The following C2CD5 variants were observed in gnomAD, a reference collection of about 807,000 sequenced individuals.
C2CD5 encodes C2 calcium dependent domain containing 5, also known as C2 domain-containing protein 5.
Under a neutral mutation model 130.3 loss-of-function variants are expected in C2CD5, and 109 were observed. The ratio of observed to expected loss-of-function variants is 0.84; its 90% CI spans 0.72 to 0.98. C2CD5 has a LOEUF of 0.98. C2CD5 is among the 50% of genes least tolerant of loss of function. The pLI, the probability that C2CD5 is intolerant of heterozygous loss-of-function variation, is 0.00. For synonymous variants in C2CD5, 454 were observed against 429.2 expected (o/e 1.06, Z -0.71); for missense variants, 996 against 1,261.8 (o/e 0.79, Z 3.19).
chr12:22,511,119 C>T (rs1023578111), intron 9 of C2CD5, among the ~76,000 whole-genome samples: 1 of 148,704 alleles, frequency 6.7e-6, no homozygotes, highest in African/African-American at 2.5e-5. Flanking sequence ...TTGACAACTA[C>T]TACTTGAATA....
At chr12:22,486,423 T>C (rs1175929898) in intron 12 of C2CD5, among the ~76,000 whole-genome samples, 2 of 152,148 alleles carry the variant, frequency 1.3e-5, no homozygotes, top group Admixed American at 6.6e-5. Flanking sequence ...AACCAGTATT[T>C]CTACATAAGG....
intron 10 of C2CD5, among the ~76,000 whole-genome samples, chr12:22,498,235 C>T (rs1414755771): frequency 6.6e-6 from 1 of 152,070 alleles, no homozygotes; most frequent in Non-Finnish European, 1.5e-5. Flanking sequence ...TATGCACACA[C>T]CAAAATAGTG....
intron 12 of C2CD5, among the ~76,000 whole-genome samples, chr12:22,489,111 A>C (rs1354628409): frequency 6.6e-6 from 1 of 151,742 alleles, no homozygotes; most frequent in East Asian, 1.9e-4. Context: ...CCTGACCTCA[A>C]GTGATCCACC....
chr12:22,467,346 T>C (rs1942253649), intron 22 of C2CD5, among the ~76,000 whole-genome samples: 1 of 151,956 alleles, frequency 6.6e-6, no homozygotes, highest in Non-Finnish European at 1.5e-5. Context: ...TTTTTGTATT[T>C]TTTGTAGAGA....
At chr12:22,454,996 G>C (rs1939517503) in intron 25 of C2CD5, among the ~76,000 whole-genome samples, 1 of 152,092 alleles carries the variant, frequency 6.6e-6, no homozygotes, top group Non-Finnish European at 1.5e-5. Context: ...TTTCAACCTA[G>C]GTTTCCACAA....
chr12:22,528,514 T>C (rs574739435), intron 3 of C2CD5, among the ~76,000 whole-genome samples: 1 of 152,212 alleles, frequency 6.6e-6, no homozygotes, highest in Non-Finnish European at 1.5e-5. Context: ...TACTCACTAT[T>C]TTGGCTGCCA....
At position 22,523,408 on chromosome 12, in the gene C2CD5, T is replaced by G; in HGVS notation, c.800+18A>C. On this transcript the variant is annotated intron_variant, in intron 7 of 26. Coordinates refer to ENST00000446597, the MANE Select transcript of C2CD5 (RefSeq NM_001286176.2). ...GATAAAAATCTTAGCAAGAACAATT[T>G]CATTGATTCATACTTACTCCTTCAT... is the stretch of plus-strand genomic sequence containing the variant. The G allele has an allele frequency of 6.3e-7, 1 of 1,587,760 alleles. No individual in the cohort carries two copies. The highest frequency in any genetic ancestry group is 8.6e-7 in the Non-Finnish European group (1 of 1,157,478).
intron 23 of C2CD5, 63 bp downstream of exon 23, chr12:22,459,429 T>C: frequency 9.5e-7 from 1 of 1,047,680 alleles, no homozygotes; most frequent in Non-Finnish European, 1.4e-6. Flanking sequence ...TCTATAATTT[T>C]ATGCACCACC....
intron 22 of C2CD5, among the ~76,000 whole-genome samples, chr12:22,461,340 G>A (rs2136052337): frequency 6.6e-6 from 1 of 152,314 alleles, no homozygotes; most frequent in African/African-American, 2.4e-5. Context: ...GCAGGGGAAA[G>A]AGGAACGGCT....
intron 3 of C2CD5, among the ~76,000 whole-genome samples, chr12:22,533,353 T>C (rs945633671): frequency 2.0e-5 from 3 of 152,212 alleles, no homozygotes; most frequent in Admixed American, 6.5e-5. Flanking sequence ...TTAACACATG[T>C]AAAGCACTTC....
chr12:22,493,356 A>G lies in C2CD5; in HGVS notation c.1148-19T>C. 1 of 1,385,968 alleles carries G rather than the reference A, an allele frequency of 7.2e-7. No individual in the cohort carries two copies. The highest frequency in any genetic ancestry group is 1.0e-6 in the Non-Finnish European group (1 of 977,004). 85.9% of individuals were successfully genotyped at this position (1,385,968 alleles called of 1,614,324 possible). On this transcript the variant is annotated intron_variant, in intron 10 of 26. Coordinates refer to ENST00000446597, the MANE Select transcript of C2CD5 (RefSeq NM_001286176.2). ...GGTTCATCTGAAAAATAAATTTTAAATCAGTTTATTACTCAATAGCACATT... is the reference window on the plus strand; with the variant it reads ...GGTTCATCTGAAAAATAAATTTTAAGTCAGTTTATTACTCAATAGCACATT...
At chr12:22,462,290 C>T (rs537946865) in intron 22 of C2CD5, among the ~76,000 whole-genome samples, 2 of 152,306 alleles carry the variant, frequency 1.3e-5, no homozygotes, top group East Asian at 1.9e-4. Context: ...GAAACAAATG[C>T]TTTTCATGTC....
intron 2 of C2CD5, among the ~76,000 whole-genome samples, chr12:22,541,656 C>G (rs1032102283): frequency 6.6e-6 from 1 of 152,190 alleles, no homozygotes; most frequent in Non-Finnish European, 1.5e-5. Context: ...GCAGCAGGCT[C>G]CTTCTCATCC....
At chr12:22,518,974 T>C in intron 7 of C2CD5, 1 of 636,996 alleles carries the variant, frequency 1.6e-6, no homozygotes, top group East Asian at 2.9e-5. Flanking sequence ...CAGAAGTTCC[T>C]CACTGCAGCT....
intron 1 of C2CD5, 66 bp downstream of exon 1, chr12:22,544,254 G>C (rs980627239): frequency 8.8e-7 from 1 of 1,141,208 alleles, no homozygotes; most frequent in East Asian, 2.8e-5. Context: ...CGGGGTAACT[G>C]ACAGCGAAGG....
intron 3 of C2CD5, among the ~76,000 whole-genome samples, chr12:22,530,516 G>C (rs1468950574): frequency 6.6e-6 from 1 of 150,394 alleles, no homozygotes. Flanking sequence ...GGAGTGCAAT[G>C]GCGTGATCTC....
At position 22,528,776 on chromosome 12, in the gene C2CD5, C is replaced by G. The variant is rs189468061; in HGVS notation, c.178-884G>C. 5.9e-5 allele frequency among the ~76,000 whole-genome samples: 9 copies of G among 152,246 alleles called. No homozygotes were observed. In the East Asian group the frequency reaches 1.7e-3, roughly 29 times the overall value. On this transcript the variant is annotated intron_variant, in intron 3 of 26. Coordinates refer to ENST00000446597, the MANE Select transcript of C2CD5 (RefSeq NM_001286176.2). Reference sequence around the variant, plus strand: ...GTATCATTCTTACATATGCTTTGGTCAAGTGATAGCTCTGCAACCCTTATA... The same window carrying G: ...GTATCATTCTTACATATGCTTTGGTGAAGTGATAGCTCTGCAACCCTTATA...
chr12:22,449,867 C>G lies in C2CD5; in HGVS notation c.3049G>C (p.Gly1017Arg). The G allele has an allele frequency of 6.2e-7, 1 of 1,609,920 alleles. No individual in the cohort carries two copies. Among genetic ancestry groups the G allele is most frequent in the East Asian group, 2.2e-5 (1 of 44,846 alleles). ...NQAQCLINVSGDAVVFVRESD... is the reference protein window; with the variant it reads ...NQAQCLINVSRDAVVFVRESD... ...TCACGAACAAAAACCACTGCATCAC[C>G]ACTTACATTTATAAGACACTGTGCC... The change falls in exon 27 of 27, where the codon GGT (glycine) becomes CGT (arginine). Residue 1017 changes from glycine to arginine, a missense_variant. Gly to Arg is a moderately radical substitution (Grantham distance 125). This residue lies in a region of C2CD5 where 48 missense variants were observed against 46.4 expected (regional missense o/e 1.03). Coordinates refer to ENST00000446597, the MANE Select transcript of C2CD5 (RefSeq NM_001286176.2).
At chr12:22,462,305 T>TC (rs1199994422) in intron 22 of C2CD5, among the ~76,000 whole-genome samples, 1 of 152,164 alleles carries the variant, frequency 6.6e-6, no homozygotes, top group African/African-American at 2.4e-5. Context: ...CATGTCAAGA[T>TC]CCCCCTTCTA....
Sources: gnomAD v4.1 joint callset for allele counts (sites outside exome capture counted in the v4.1 genomes callset) on GRCh38, gnomAD v4.1.1 for gene constraint, gnomAD v4.1.1 regional missense constraint, MANE v1.5 for transcripts, NCBI Gene and HGNC (gene_info 2026-07-23, HGNC 2026-07-21) for gene names.